Variants in PTPN20 observed in about 807,000 individuals in gnomAD.
PTPN20 encodes protein tyrosine phosphatase non-receptor type 20.
PTPN20 carries 9 observed loss-of-function variants against 35.0 expected under a neutral mutation model. That is an observed-to-expected ratio of 0.26 (90% CI 0.15 to 0.45). The LOEUF (loss-of-function observed/expected upper bound fraction) is 0.45, where lower values mean the gene tolerates loss of function less well. Ranked by LOEUF, PTPN20 falls within the 20% of genes least tolerant of loss-of-function variation. The pLI is 1.00. For missense variants in PTPN20, 111 were observed against 312.5 expected (o/e 0.36, Z 4.86); for synonymous variants, 32 against 100.2 (o/e 0.32, Z 4.06).
intron 1 of PTPN20, among the ~76,000 whole-genome samples, chr10:46,928,652 GT>G (rs2038532591): frequency 6.6e-6 from 1 of 150,648 alleles, no homozygotes; most frequent in Non-Finnish European, 1.5e-5. Flanking sequence ...TTTCTTAATG[GT>G]TATGTTTATA....
At chr10:46,939,144 G>C (rs2042652060) in intron 2 of PTPN20, among the ~76,000 whole-genome samples, 1 of 138,484 alleles carries the variant, frequency 7.2e-6, no homozygotes, top group Non-Finnish European at 1.5e-5. Flanking sequence ...TTGAAAGTCT[G>C]ATAAAATCCC....
At position 47,001,152 on chromosome 10, in the gene PTPN20, T is replaced by TC. The variant is rs2059994290; in HGVS notation, c.*411_*412insC. ...TTATTCTGGGAGAACATAAGGCCAA[T>TC]AATCATGACCTCTTCCAGGCATTTT... On this transcript the variant is annotated 3_prime_UTR_variant, in exon 11 of 11. Coordinates refer to ENST00000374339, the MANE Select transcript of PTPN20 (RefSeq NM_001042357.5). The TC allele has an allele frequency of 4.1e-6, 1 of 241,166 alleles. No individual in the cohort carries two copies. The highest frequency in any genetic ancestry group is 8.1e-6 in the Non-Finnish European group (1 of 123,890). 14.9% of individuals were successfully genotyped at this position (241,166 alleles called of 1,614,324 possible).
chr10:47,000,018 A>T lies in PTPN20; in HGVS notation c.1197+44A>T, dbSNP rs1240530819. ...CATAATAATAAGAATAATGAATATA[A>T]AGATTAACATTGCATAACACTTTAC... On this transcript the variant is annotated intron_variant, in intron 10 of 10. Coordinates refer to ENST00000374339, the MANE Select transcript of PTPN20 (RefSeq NM_001042357.5). The T allele has an allele frequency of 3.1e-6, 5 of 1,610,216 alleles. No individual in the cohort carries two copies. In the Admixed American group the frequency reaches 8.3e-5, roughly 27 times the overall value.
Position 47,000,715 on chromosome 10 carries a change from C to A in PTPN20, c.1237C>A (p.Leu413Ile). 6.2e-7 allele frequency: 1 copy of A among 1,613,518 alleles called. No individual in the cohort carries two copies. Among genetic ancestry groups the A allele is most frequent in the East Asian group, 2.2e-5 (1 of 44,858 alleles). The change falls in exon 11 of 11, where the codon CTT becomes ATT. Residue 413 changes from leucine to isoleucine, a missense_variant. Leu to Ile is a conservative substitution (Grantham distance 5, BLOSUM62 2). Coordinates refer to ENST00000374339, the MANE Select transcript of PTPN20 (RefSeq NM_001042357.5). ...TTGTTACGATATTGTGCTTGAAGTTCTTCGGAAACTTCTGACTTTGGATTA... is the reference window on the plus strand; with the variant it reads ...TTGTTACGATATTGTGCTTGAAGTTATTCGGAAACTTCTGACTTTGGATTA... ...HFCYDIVLEV[L>I]RKLLTLD
intron 2 of PTPN20, among the ~76,000 whole-genome samples, chr10:46,936,279 AATT>A (rs1221018653): frequency 6.6e-6 from 1 of 151,850 alleles, no homozygotes. Context: ...CCCTCTTCCT[AATT>A]ATTTGAAATA....
downstream of PTPN20, among the ~76,000 whole-genome samples, chr10:47,003,114 A>G (rs1385794649): frequency 3.9e-5 from 6 of 152,056 alleles, no homozygotes; most frequent in East Asian, 1.9e-4. Flanking sequence ...GGGGTGATGG[A>G]TTGCTCACTG....
chr10:46,928,304 T>C (rs1371330107), intron 1 of PTPN20, among the ~76,000 whole-genome samples: 6 of 152,022 alleles, frequency 3.9e-5, no homozygotes, highest in African/African-American at 1.5e-4. Flanking sequence ...TGTTTAAACT[T>C]GCATTAATAA....
chr10:47,001,127 T>C lies in PTPN20; in HGVS notation c.*386T>C. 7.5e-6 allele frequency: 2 copies of C among 268,446 alleles called. No individual in the cohort carries two copies. The highest frequency in any genetic ancestry group is 1.4e-5 in the Non-Finnish European group (2 of 140,496). 16.6% of individuals were successfully genotyped at this position (268,446 alleles called of 1,614,324 possible). A position where few individuals can be genotyped will look rare whatever the true frequency, so the allele number is the denominator to read the frequency against. On this transcript the variant is annotated 3_prime_UTR_variant, in exon 11 of 11. Coordinates refer to ENST00000374339, the MANE Select transcript of PTPN20 (RefSeq NM_001042357.5). ...AGGATTTCCAGGACTTTGTAAGTTC[T>C]TATTCTGGGAGAACATAAGGCCAAT...
At chr10:46,939,771 G>A (rs1417273413) in intron 2 of PTPN20, among the ~76,000 whole-genome samples, 3 of 148,770 alleles carry the variant, frequency 2.0e-5, no homozygotes, top group Non-Finnish European at 4.5e-5. Flanking sequence ...GTTTTGATAT[G>A]TTGTCCCTTC....
Position 47,000,852 on chromosome 10 carries a change from C to A in PTPN20, c.*111C>A. On this transcript the variant is annotated 3_prime_UTR_variant, in exon 11 of 11. Transcript: ENST00000374339. ...CTTTGCTATGCATACAATCTGCTTT[C>A]TTGGTTTATCAGTTTATTTTCTTTC... 3.0e-6 allele frequency: 4 copies of A among 1,342,016 alleles called. No homozygotes were observed. Among genetic ancestry groups the A allele is most frequent in the Non-Finnish European group, 2.1e-6 (2 of 934,328 alleles). 83.1% of individuals were successfully genotyped at this position (1,342,016 alleles called of 1,614,324 possible).
At position 47,001,478 on chromosome 10, in the gene PTPN20, C is replaced by A. The variant is rs1157364779; in HGVS notation, c.*737C>A. On this transcript the variant is annotated 3_prime_UTR_variant, in exon 11 of 11. Coordinates refer to ENST00000374339, the MANE Select transcript of PTPN20 (RefSeq NM_001042357.5). ...ATGCCTGAGTTCTTTCCTATCCCACCCTAACACTTAACATATTACTTAGTC... is the reference window on the plus strand; with the variant it reads ...ATGCCTGAGTTCTTTCCTATCCCACACTAACACTTAACATATTACTTAGTC... The A allele has an allele frequency of 6.6e-6, 1 of 152,194 alleles. No individual in the cohort carries two copies. The highest frequency in any genetic ancestry group is 1.5e-5 in the Non-Finnish European group (1 of 68,116). 9.4% of individuals were successfully genotyped at this position (152,194 alleles called of 1,614,324 possible).
rs2058500649 is a variant in PTPN20 at position 46,993,852 on chromosome 10, G to T, written c.1135-6060G>T. Among the ~76,000 whole-genome samples the T allele has an allele frequency of 2.6e-5, 4 of 152,040 alleles. 1 individual carries two copies. The South Asian group carries it at 8.3e-4, about 32-fold the overall frequency. ...CATCATTACAATAATAGAGTATTCT[G>T]GTTTTGTCCATGTTGTTAATGTTAC... On this transcript the variant is annotated intron_variant, in intron 9 of 10. Coordinates refer to ENST00000374339, the MANE Select transcript of PTPN20 (RefSeq NM_001042357.5).
At chr10:46,950,750 T>C (rs1231627674) in intron 5 of PTPN20, among the ~76,000 whole-genome samples, 1 of 152,080 alleles carries the variant, frequency 6.6e-6, no homozygotes, top group African/African-American at 2.4e-5. Context: ...TGAATCCTGG[T>C]TCAGAGGCAA....
chr10:46,950,773 T>C (rs1371810183), intron 5 of PTPN20, among the ~76,000 whole-genome samples: 1 of 152,080 alleles, frequency 6.6e-6, no homozygotes, highest in Non-Finnish European at 1.5e-5. Flanking sequence ...AATATAATAG[T>C]TTATCTAAGA....
Position 46,946,869 on chromosome 10 carries a change from C to G in PTPN20, c.340+194C>G, listed in dbSNP as rs2044922429. On this transcript the variant is annotated intron_variant, in intron 5 of 10. Coordinates refer to ENST00000374339, the MANE Select transcript of PTPN20 (RefSeq NM_001042357.5). ...GCTCCACACCCCATATTCACAATGG[C>G]TAATTCCTGTCCTTTCTTCAAGTAT... 3 of 545,016 alleles carry G rather than the reference C, an allele frequency of 5.5e-6. No individual in the cohort carries two copies. The South Asian group carries it at 8.9e-5, about 16-fold the overall frequency. The allele number at this position is 545,016 out of a possible 1,614,324, so 33.8% of individuals were successfully genotyped here.
At chr10:46,931,814 A>T (rs2039704997) in intron 1 of PTPN20, among the ~76,000 whole-genome samples, 2 of 146,004 alleles carry the variant, frequency 1.4e-5, no homozygotes, top group African/African-American at 5.5e-5. Flanking sequence ...TCTCCAGATA[A>T]AAGTATTCTT....
chr10:46,988,905 G>T (rs2057374398), intron 9 of PTPN20, among the ~76,000 whole-genome samples: 1 of 147,946 alleles, frequency 6.8e-6, no homozygotes, highest in Non-Finnish European at 1.5e-5. Flanking sequence ...CTTTCAGCTA[G>T]TTTGTTATTG....
intron 1 of PTPN20, among the ~76,000 whole-genome samples, chr10:46,928,394 C>T (rs1181581365): frequency 2.6e-5 from 4 of 151,178 alleles, no homozygotes; most frequent in African/African-American, 9.7e-5. Flanking sequence ...TTTTAAAAGT[C>T]AACTTTATTG....
chr10:46,953,953 C>G (rs1407284940), intron 5 of PTPN20, among the ~76,000 whole-genome samples: 3 of 129,858 alleles, frequency 2.3e-5, no homozygotes, highest in Admixed American at 7.5e-5. Context: ...GTTTTCTCCT[C>G]TTCAATATTC....
Sources: gnomAD v4.1 joint callset for allele counts (sites outside exome capture counted in the v4.1 genomes callset) on GRCh38, gnomAD v4.1.1 for gene constraint, MANE v1.5 for transcripts, NCBI Gene and HGNC (gene_info 2026-07-23, HGNC 2026-07-21) for gene names.